The following OTOG variants were observed in gnomAD, a reference collection of about 807,000 sequenced individuals.
The protein encoded by OTOG is otogelin.
OTOG carries 296 observed loss-of-function variants against 313.8 expected under a neutral mutation model. The observed-to-expected ratio is 0.94, with a 90% CI of 0.86 to 1.04. The LOEUF is 1.04. OTOG is among the 50% of genes least tolerant of loss of function. The pLI is 0.00. For missense variants in OTOG, 3,948 were observed against 3,840.1 expected, an observed-to-expected ratio of 1.03 and a Z score of -0.74; for synonymous variants, 1,533 against 1,554.9, an observed-to-expected ratio of 0.99 and a Z score of 0.33.
At position 17,569,167 on chromosome 11, in the gene OTOG, A is replaced by G; in HGVS notation, c.1656A>G (p.Gly552=). 1 of 1,550,620 alleles carries G rather than the reference A, an allele frequency of 6.4e-7. No homozygotes were observed. Among genetic ancestry groups the G allele is most frequent in the Non-Finnish European group, 8.7e-7 (1 of 1,147,010 alleles). ...QNAPCGLNQD[G]ACVQSVSVIL... is the part of the protein sequence containing the mutation. ...TTCTATCTCTCCAGAACCAAGATGG[A>G]GCCTGTGTCCAGTCAGTGTCAGTGA... is the stretch of plus-strand genomic sequence containing the variant. The change falls in exon 16 of 56, where the codon GGA becomes GGG. Residue 552 remains glycine (G), a synonymous_variant. Transcript: ENST00000399397.
At chr11:17,637,688 G>A (rs530623136) in intron 47 of OTOG, among the ~76,000 whole-genome samples, 12 of 152,252 alleles carry the variant, frequency 7.9e-5, no homozygotes, top group East Asian at 3.9e-4. Flanking sequence ...GGTGATGACC[G>A]TAATCCTAAG....
rs748546700 is a variant in OTOG at position 17,553,155 on chromosome 11, A to G, written c.329A>G (p.His110Arg). The G allele has an allele frequency of 3.2e-6, 5 of 1,550,532 alleles. No homozygotes were observed. In the South Asian group the frequency reaches 5.9e-5, roughly 18 times the overall value. The change falls in exon 5 of 56, where the codon CAC (histidine) becomes CGC (arginine). Residue 110 changes from histidine (H) to arginine (R), a missense_variant. Physicochemically the swap from His to Arg is conservative, Grantham distance 29. Transcript: ENST00000399397. ...TGCTTCAATGGAGGCGAGTGTGTGC[A>G]CCCAGCCTTCTGTGACTGCAGACGC... is the stretch of plus-strand genomic sequence containing the variant. Reference protein sequence around the residue: ...FSCFNGGECVHPAFCDCRRFN... With the variant: ...FSCFNGGECVRPAFCDCRRFN...
At chr11:17,564,259 G>A (rs896162565) in intron 15 of OTOG, among the ~76,000 whole-genome samples, 4 of 152,204 alleles carry the variant, frequency 2.6e-5, no homozygotes, top group African/African-American at 4.8e-5. Context: ...AGGTCAGCGT[G>A]TCCTCAGACA....
chr11:17,615,935 A>G (rs113180565), intron 39 of OTOG, among the ~76,000 whole-genome samples: 1 of 152,184 alleles, frequency 6.6e-6, no homozygotes, highest in Non-Finnish European at 1.5e-5. Context: ...TCAAAAAAAA[A>G]AATTAATGTT....
chr11:17,548,269 C>A, intron 3 of OTOG, 57 bp downstream of exon 3: 1 of 1,439,882 alleles, frequency 6.9e-7, no homozygotes, highest in Non-Finnish European at 9.4e-7. Flanking sequence ...CTATCTGGAT[C>A]TGAGGCTGGC....
At chr11:17,584,146 G>T (rs867268492) in intron 23 of OTOG, among the ~76,000 whole-genome samples, 30 of 152,116 alleles carry the variant, frequency 2.0e-4, no homozygotes, top group African/African-American at 6.7e-4. Flanking sequence ...TTCACATACT[G>T]ACCTTGTATT....
chr11:17,548,113 C>A, intron 2 of OTOG, 39 bp from the exon 3 acceptor site: 2 of 1,534,432 alleles, frequency 1.3e-6, no homozygotes, highest in Non-Finnish European at 1.8e-6. Flanking sequence ...CATAACCCAT[C>A]CTAGCCCCCC....
intron 1 of OTOG, 187 bp downstream of exon 1, chr11:17,547,653 C>A (rs561032273): frequency 3.5e-6 from 4 of 1,128,762 alleles, no homozygotes; most frequent in Non-Finnish European, 4.5e-6. Context: ...GGCCTATGAC[C>A]GCGGGGGAAA....
Position 17,576,867 on chromosome 11 carries a change from G to A in OTOG, c.2562-1G>A. On this transcript the variant is annotated splice_acceptor_variant, in intron 21 of 55. Transcript: ENST00000399397. LOFTEE classifies it high-confidence loss of function. ...ACCCCAGGGCCCGTCTCTCTCTGCA[G>A]CCACTGCAAAGATGGAGTCATGAGC... The A allele has an allele frequency of 6.4e-7, 1 of 1,550,400 alleles. No homozygotes were observed. The highest frequency in any genetic ancestry group is 8.7e-7 in the Non-Finnish European group (1 of 1,146,940).
intron 29 of OTOG, among the ~76,000 whole-genome samples, 176 bp from the exon 30 acceptor site, chr11:17,596,675 T>C (rs1201813107): frequency 6.6e-6 from 1 of 152,230 alleles, no homozygotes; most frequent in Admixed American, 6.5e-5. Flanking sequence ...AGTGGACATC[T>C]GCCTGGACCA....
chr11:17,572,470 C>T (rs1852425839), intron 18 of OTOG, among the ~76,000 whole-genome samples: 1 of 152,186 alleles, frequency 6.6e-6, no homozygotes, highest in South Asian at 2.1e-4. Flanking sequence ...GGCCCCATGG[C>T]CCCACCAGGC....
At chr11:17,548,009 C>G in intron 2 of OTOG, 22 bp downstream of exon 2, 1 of 868,740 alleles carries the variant, frequency 1.2e-6, no homozygotes. Flanking sequence ...TGAGCTGTGG[C>G]GGCCCCACCC....
intron 40 of OTOG, among the ~76,000 whole-genome samples, 182 bp from the exon 41 acceptor site, chr11:17,631,520 C>A (rs943889526): frequency 6.6e-6 from 1 of 152,062 alleles, no homozygotes; most frequent in African/African-American, 2.4e-5. Context: ...TTCCTAAGTA[C>A]AAAGACATTT....
At chr11:17,553,268 G>A (rs1851983718) in intron 5 of OTOG, 57 bp downstream of exon 5, 7 of 1,535,400 alleles carry the variant, frequency 4.6e-6, no homozygotes, top group Non-Finnish European at 6.2e-6. Flanking sequence ...GGAAAGCTAG[G>A]GAGAAAGGGA....
At chr11:17,574,128 G>T (rs901874702) in intron 19 of OTOG, among the ~76,000 whole-genome samples, 14 of 152,334 alleles carry the variant, frequency 9.2e-5, no homozygotes, top group Middle Eastern at 3.4e-3. Context: ...CAGCTGAACT[G>T]GATGGTCTCA....
rs1043990174 is a variant in OTOG at position 17,610,646 on chromosome 11, G to C, written c.5346G>C (p.Leu1782=). 6.4e-7 allele frequency: 1 copy of C among 1,550,494 alleles called. No homozygotes were observed. The highest frequency in any genetic ancestry group is 1.4e-5 in the African/African-American group (1 of 73,014). Residue 1782 remains leucine (L), a synonymous_variant, in exon 36 of 56, where the codon CTG becomes CTC. Coordinates refer to ENST00000399397, the MANE Select transcript of OTOG (RefSeq NM_001292063.2). The part of the protein sequence containing the change: ...AASLSTATDG[L]AATPFMSLES... ...GCCTGTCAACAGCCACTGATGGGCT[G>C]GCAGCCACACCCTTCATGTCCCTTG... is the stretch of plus-strand genomic sequence containing the variant.
At chr11:17,552,943 C>T (rs561211950) in intron 4 of OTOG, among the ~76,000 whole-genome samples, 176 bp from the exon 5 acceptor site, 1 of 152,324 alleles carries the variant, frequency 6.6e-6, no homozygotes, top group East Asian at 1.9e-4. Context: ...CACCGGCTTG[C>T]CAGGGAGGGG....
At chr11:17,580,266 G>A (rs1467343567) in intron 23 of OTOG, among the ~76,000 whole-genome samples, 1 of 152,262 alleles carries the variant, frequency 6.6e-6, no homozygotes, top group Non-Finnish European at 1.5e-5. Context: ...ACAGACTCAG[G>A]AGTCAAGCTT....
Position 17,572,032 on chromosome 11 carries a change from T to G in OTOG, c.1956-48T>G, listed in dbSNP as rs1220509516. On this transcript the variant is annotated intron_variant, in intron 17 of 55. Coordinates refer to ENST00000399397, the MANE Select transcript of OTOG (RefSeq NM_001292063.2). ...CTGGATCTATGCTATTTGTGCCCCC[T>G]GAGTCCACAGGGGCAAGTGTGTGAA... 4 of 1,548,532 alleles carry G rather than the reference T, an allele frequency of 2.6e-6. No individual in the cohort carries two copies. In the African/African-American group the frequency reaches 4.1e-5, roughly 16 times the overall value.
Sources: allele counts gnomAD v4.1 joint callset (sites outside exome capture counted in the v4.1 genomes callset), GRCh38; gene constraint gnomAD v4.1.1; transcripts MANE v1.5; gene names NCBI Gene and HGNC (gene_info 2026-07-23, HGNC 2026-07-21).